Variants in TMEM67 observed in about 807,000 individuals in gnomAD.
TMEM67 encodes meckelin.
In TMEM67, 124 loss-of-function variants were observed where a neutral mutation model predicts 136.6. The observed-to-expected ratio is 0.91, with a 90% confidence interval of 0.78 to 1.05. The LOEUF (loss-of-function observed/expected upper bound fraction) is 1.05. Ranked by LOEUF, TMEM67 falls within the 50% of genes least tolerant of loss-of-function variation. The probability of loss-of-function intolerance (pLI) is 0.00; values close to 1 mark genes in which losing one functional copy is unlikely to be tolerated. For missense variants in TMEM67, 1,107 were observed against 1,178.4 expected (o/e 0.94, Z 0.89); for synonymous variants, 364 against 390.5 (o/e 0.93, Z 0.80).
chr8:93,819,264 A>C (rs574302011), downstream of TMEM67: 1 of 418,732 alleles, frequency 2.4e-6, no homozygotes, highest in East Asian at 7.2e-5. Flanking sequence ...TAACTGACCA[A>C]TGAAAATTCT....
In TMEM67 at chr8:93,785,324, G is replaced by C. The variant is rs1417101803; in HGVS notation, c.1234G>C (p.Ala412Pro). Residue 412 changes from alanine to proline, a missense_variant, in exon 12 of 28, where the codon GCT (alanine) becomes CCT (proline). Around this residue, in one of 3 missense-constraint regions of TMEM67, gnomAD observed 925 missense variants for 1,002.4 expected, o/e 0.92. Transcript: ENST00000453321. Reference sequence around the variant, plus strand: ...TGAAAATCAACATCAATATATTTTGGCTGTGCCTGTGTTAAACCTAAATCT... The same window carrying C: ...TGAAAATCAACATCAATATATTTTGCCTGTGCCTGTGTTAAACCTAAATCT... ...TDENQHQYIL[A>P]VPVLNLNLQH... is the part of the protein sequence containing the mutation. 3 of 1,610,414 alleles carry C rather than the reference G, an allele frequency of 1.9e-6. No individual in the cohort carries two copies. The African/African-American group carries it at 4.0e-5, about 22-fold the overall frequency.
chr8:93,774,272 C>T (rs957983256), intron 7 of TMEM67, among the ~76,000 whole-genome samples: 1 of 152,140 alleles, frequency 6.6e-6, no homozygotes, highest in Non-Finnish European at 1.5e-5. Flanking sequence ...GCCTTGACCT[C>T]GCAAAGTGCT....
chr8:93,768,972 TA>T (rs372927006), intron 6 of TMEM67, among the ~76,000 whole-genome samples: 24 of 145,574 alleles, frequency 1.6e-4, no homozygotes, highest in Non-Finnish European at 2.4e-4. Flanking sequence ...AAAACTAAAT[TA>T]AAAAAAAAAC....
intron 15 of TMEM67, chr8:93,792,126 T>A (rs1240808241): frequency 6.6e-6 from 1 of 152,392 alleles, no homozygotes; most frequent in African/African-American, 2.4e-5. Context: ...CCTCCCAAAG[T>A]GCTGGGAATA....
the TMEM67 span, among the ~76,000 whole-genome samples, chr8:93,828,152 A>G: frequency 6.6e-6 from 1 of 152,166 alleles, no homozygotes; most frequent in African/African-American, 2.4e-5. Flanking sequence ...AGCTTAATGC[A>G]ATCCTGACTC....
Position 93,776,781 on chromosome 8 carries a change from G to A in TMEM67, c.715-3812G>A, listed in dbSNP as rs183561131. 2.3e-3 allele frequency among the ~76,000 whole-genome samples: 347 copies of A among 152,170 alleles called. 1 individual carries two copies. Among genetic ancestry groups the A allele is most frequent in the Non-Finnish European group, 3.8e-3 (256 of 67,996 alleles). On this transcript the variant is annotated intron_variant, in intron 7 of 27. Coordinates refer to ENST00000453321, the MANE Select transcript of TMEM67 (RefSeq NM_153704.6). Reference sequence around the variant, plus strand: ...GTATTTTATTGAGGATTTTTGCATCGATGTTCATCAGGGATATTGGTCTAA... The same window carrying A: ...GTATTTTATTGAGGATTTTTGCATCAATGTTCATCAGGGATATTGGTCTAA...
chr8:93,765,302 A>C, intron 4 of TMEM67, 104 bp from the exon 5 acceptor site: 1 of 857,710 alleles, frequency 1.2e-6, no homozygotes, highest in Admixed American at 2.2e-5. Flanking sequence ...ATAATTGCTT[A>C]CTGAATGAAT....
chr8:93,799,923 T>C (rs1814795146), intron 21 of TMEM67, among the ~76,000 whole-genome samples, 165 bp downstream of exon 21: 1 of 148,582 alleles, frequency 6.7e-6, no homozygotes, highest in African/African-American at 2.5e-5. Context: ...TTTTTTTTTT[T>C]TTGAAACAGA....
At chr8:93,806,374 CCTT>C (rs1432951749) in intron 23 of TMEM67, among the ~76,000 whole-genome samples, 1 of 151,854 alleles carries the variant, frequency 6.6e-6, no homozygotes, top group African/African-American at 2.4e-5. Flanking sequence ...ATTTTAAAGT[CCTT>C]ATTAGAAATA....
the TMEM67 span, among the ~76,000 whole-genome samples, chr8:93,830,816 G>T: frequency 1.3e-5 from 2 of 152,226 alleles, no homozygotes; most frequent in Admixed American, 6.5e-5. Flanking sequence ...CACAGGCAAA[G>T]CTCTCCCTGG....
In TMEM67 at chr8:93,795,864, T is replaced by C. The variant is rs770255134; in HGVS notation, c.1774-37T>C. The stretch of plus-strand genomic sequence containing the variant: ...ACAAACAAACAAACAAAAAAAACTG[T>C]GTGTGATAATATTTAATCAAGTAAT... On this transcript the variant is annotated intron_variant, in intron 17 of 27. Transcript: ENST00000453321. The C allele has an allele frequency of 7.1e-6, 10 of 1,406,172 alleles. No individual in the cohort carries two copies. In the African/African-American group the frequency reaches 1.2e-4, roughly 16 times the overall value. The allele number at this position is 1,406,172 out of a possible 1,614,324, so 87.1% of individuals were successfully genotyped here.
At chr8:93,760,527 A>G (rs1048120103) in intron 3 of TMEM67, among the ~76,000 whole-genome samples, 3 of 152,172 alleles carry the variant, frequency 2.0e-5, no homozygotes, top group African/African-American at 7.2e-5. Context: ...AAGTTCTTAA[A>G]GAAAATGCAG....
chr8:93,822,505 T>C (rs1809055511), downstream of TMEM67, among the ~76,000 whole-genome samples: 1 of 152,308 alleles, frequency 6.6e-6, no homozygotes, highest in East Asian at 1.9e-4. Context: ...CAGATGGCAG[T>C]GGAGTGCACA....
intron 21 of TMEM67, among the ~76,000 whole-genome samples, chr8:93,801,678 AC>A (rs1176113591): frequency 2.0e-5 from 3 of 152,184 alleles, no homozygotes; most frequent in African/African-American, 4.8e-5. Flanking sequence ...CCAGGGTTGC[AC>A]GTGTGAGCCA....
In TMEM67 at chr8:93,817,378, A is replaced by G. The variant is rs1808949962; in HGVS notation, c.*926A>G. On this transcript the variant is annotated 3_prime_UTR_variant, in exon 28 of 28. Transcript: ENST00000453321. ...AAACCCCATCTCTACAAAAAATACA[A>G]AAATTAGTTGGATGTGGTGGCCTGT... 1 of 152,170 alleles carries G rather than the reference A, an allele frequency of 6.6e-6. No individual in the cohort carries two copies. The highest frequency in any genetic ancestry group is 6.5e-5 in the Admixed American group (1 of 15,280). The allele number at this position is 152,170 out of a possible 1,614,324, so 9.4% of individuals were successfully genotyped here.
chr8:93,819,658 T>C (rs1194220727), downstream of TMEM67, among the ~76,000 whole-genome samples: 2 of 151,978 alleles, frequency 1.3e-5, no homozygotes, highest in Non-Finnish European at 2.9e-5. Context: ...GTGGATTTGA[T>C]CTAAGATTTT....
At position 93,793,206 on chromosome 8, in the gene TMEM67, G is replaced by C. The variant is rs1340120220; in HGVS notation, c.1584G>C (p.Leu528Phe). The C allele has an allele frequency of 6.2e-7, 1 of 1,613,784 alleles. No homozygotes were observed. Among genetic ancestry groups the C allele is most frequent in the Admixed American group, 1.7e-5 (1 of 59,992 alleles). ...GTTCTTTTGTTTTTTAGATTGCTTT[G>C]GGTGTATTGGGTGGGCTAGCTGTTT... ...GEAHVQTDIA[L>F]GVLGGLAVLA... Residue 528 changes from leucine to phenylalanine, a missense_variant, in exon 16 of 28, where the codon TTG becomes TTC. Physicochemically the swap from Leu to Phe is conservative, Grantham distance 22. Coordinates refer to ENST00000453321, the MANE Select transcript of TMEM67 (RefSeq NM_153704.6).
chr8:93,785,422 A>C, intron 12 of TMEM67, 44 bp downstream of exon 12: 1 of 1,575,260 alleles, frequency 6.3e-7, no homozygotes, highest in South Asian at 1.1e-5. Flanking sequence ...AGCAGAAATC[A>C]ACAAATAAGT....
At chr8:93,792,882 C>T (rs1271302722) in intron 15 of TMEM67, among the ~76,000 whole-genome samples, 2 of 151,674 alleles carry the variant, frequency 1.3e-5, no homozygotes, top group Non-Finnish European at 2.9e-5. Context: ...ATGCCATTCT[C>T]CTGCCTCAGC....
Sources: allele counts gnomAD v4.1 joint callset (sites outside exome capture counted in the v4.1 genomes callset), GRCh38; gene constraint gnomAD v4.1.1; regional missense constraint gnomAD v4.1.1; transcripts MANE v1.5; gene names NCBI Gene and HGNC (gene_info 2026-07-23, HGNC 2026-07-21).